The following LONP2 variants were observed in gnomAD, a reference collection of about 807,000 sequenced individuals.
The protein encoded by LONP2 is lon peptidase 2, peroxisomal.
A neutral mutation model predicts 85.6 loss-of-function variants in LONP2; 60 were observed. The observed-to-expected ratio is 0.70, with a 90% CI of 0.57 to 0.87. LONP2 has a LOEUF of 0.87. LONP2 is among the 40% of genes least tolerant of loss of function. LONP2 has a pLI of 0.00. For missense variants in LONP2, 860 were observed against 1,063.5 expected, an observed-to-expected ratio of 0.81 and a Z score of 2.66; for synonymous variants, 395 against 389.7, an observed-to-expected ratio of 1.01 and a Z score of -0.16.
In LONP2 at chr16:48,355,545, AAGAC is replaced by A. The variant is rs1357570316; in HGVS notation, c.*3745_*3748del. On this transcript the variant is annotated 3_prime_UTR_variant, in exon 15 of 15. Transcript: ENST00000285737. Reference sequence around the variant, plus strand: ...TCTGTTACGGTTAACACAAATGACTAAGACAACAGGATAATTCTGTTTAACTTTT... The same window carrying A: ...TCTGTTACGGTTAACACAAATGACTAAACAGGATAATTCTGTTTAACTTTT... 6.6e-6 allele frequency: 1 copy of A among 152,218 alleles called. No homozygotes were observed. The highest frequency in any genetic ancestry group is 1.5e-5 in the Non-Finnish European group (1 of 68,034). The allele number at this position is 152,218 out of a possible 1,614,324, so 9.4% of individuals were successfully genotyped here.
At chr16:48,289,078 C>G (rs1972507092) in intron 8 of LONP2, among the ~76,000 whole-genome samples, 1 of 151,836 alleles carries the variant, frequency 6.6e-6, no homozygotes, top group Non-Finnish European at 1.5e-5. Flanking sequence ...TGGTTCATAC[C>G]TTTGCCTATA....
intron 10 of LONP2, among the ~76,000 whole-genome samples, chr16:48,301,805 A>G (rs1044076547): frequency 9.2e-5 from 14 of 152,226 alleles, no homozygotes; most frequent in African/African-American, 3.1e-4. Flanking sequence ...CTCCTTGTAC[A>G]GCCCTTCTGA....
intron 11 of LONP2, among the ~76,000 whole-genome samples, chr16:48,307,312 A>G (rs1972931702): frequency 6.6e-6 from 1 of 152,054 alleles, no homozygotes; most frequent in East Asian, 1.9e-4. Flanking sequence ...TTTCTAGGGT[A>G]TTTGTTGGGT....
intron 11 of LONP2, among the ~76,000 whole-genome samples, chr16:48,310,829 TA>T (rs1160230052): frequency 2.0e-5 from 3 of 152,248 alleles, no homozygotes; most frequent in Admixed American, 6.5e-5. Context: ...AGAACTTCTT[TA>T]AATATTTCTC....
At position 48,309,749 on chromosome 16, in the gene LONP2, T is replaced by G. The variant is rs531559738; in HGVS notation, c.1795+6444T>G. ...TTTTTTTAAATTTATTGAGACTTGTTTTGTGGCCTGACGTTTGGTCTGTCT... is the reference window on the plus strand; with the variant it reads ...TTTTTTTAAATTTATTGAGACTTGTGTTGTGGCCTGACGTTTGGTCTGTCT... On this transcript the variant is annotated intron_variant, in intron 11 of 14. Coordinates refer to ENST00000285737, the MANE Select transcript of LONP2 (RefSeq NM_031490.5). 3.9e-5 allele frequency among the ~76,000 whole-genome samples: 6 copies of G among 152,300 alleles called. No homozygotes were observed. In the South Asian group the frequency reaches 6.2e-4, roughly 16 times the overall value.
intron 10 of LONP2, among the ~76,000 whole-genome samples, chr16:48,301,802 T>A (rs1175690817): frequency 6.6e-6 from 1 of 152,254 alleles, no homozygotes; most frequent in Non-Finnish European, 1.5e-5. Context: ...TTCCTCCTTG[T>A]ACAGCCCTTC....
At chr16:48,305,582 C>T (rs1373102783) in intron 11 of LONP2, among the ~76,000 whole-genome samples, 2 of 152,004 alleles carry the variant, frequency 1.3e-5, no homozygotes, top group Non-Finnish European at 2.9e-5. Flanking sequence ...TTTTACTCTG[C>T]CTTGGGAGAA....
chr16:48,245,333 G>C (rs536992481), intron 1 of LONP2, among the ~76,000 whole-genome samples: 10 of 152,156 alleles, frequency 6.6e-5, no homozygotes, highest in Middle Eastern at 3.4e-3. Flanking sequence ...CAGTACCCTC[G>C]CCCTATTGGT....
intron 14 of LONP2, among the ~76,000 whole-genome samples, chr16:48,350,460 T>TATCA (rs1310999390): frequency 6.6e-6 from 1 of 152,084 alleles, no homozygotes; most frequent in African/African-American, 2.4e-5. Flanking sequence ...ATGGCCTTAG[T>TATCA]ATCAATCAAG....
At chr16:48,267,380 G>A (rs1596924777) in intron 6 of LONP2, among the ~76,000 whole-genome samples, 1 of 151,714 alleles carries the variant, frequency 6.6e-6, no homozygotes, top group Admixed American at 6.6e-5. Context: ...ACTCACTGCA[G>A]CCTCCGCCTC....
intron 11 of LONP2, among the ~76,000 whole-genome samples, chr16:48,310,370 A>AGTCTT (rs1297773906): frequency 6.6e-6 from 1 of 151,072 alleles, no homozygotes; most frequent in Non-Finnish European, 1.5e-5. Context: ...TTTAAGCAAG[A>AGTCTT]GTCTTGAGTC....
chr16:48,342,571 C>T (rs1458590719), intron 12 of LONP2, among the ~76,000 whole-genome samples: 1 of 152,214 alleles, frequency 6.6e-6, no homozygotes, highest in Admixed American at 6.5e-5. Context: ...GCAGCTGGTT[C>T]TCAGCAATGC....
At chr16:48,314,041 A>G (rs1023001783) in intron 11 of LONP2, among the ~76,000 whole-genome samples, 2 of 151,990 alleles carry the variant, frequency 1.3e-5, no homozygotes, top group Admixed American at 1.3e-4. Context: ...TTTTATTTGC[A>G]TTTCTCTAAT....
intron 11 of LONP2, among the ~76,000 whole-genome samples, chr16:48,330,521 A>G (rs191192992): frequency 4.6e-5 from 7 of 152,372 alleles, no homozygotes; most frequent in Admixed American, 1.3e-4. Context: ...CATAGGACCC[A>G]GAAGGTGCAC....
intron 2 of LONP2, among the ~76,000 whole-genome samples, chr16:48,253,112 A>G (rs1474060121): frequency 6.6e-6 from 1 of 152,182 alleles, no homozygotes; most frequent in African/African-American, 2.4e-5. Context: ...AGCCAGTGGT[A>G]TTTGTATCTG....
intron 11 of LONP2, among the ~76,000 whole-genome samples, chr16:48,326,763 G>T (rs935058355): frequency 1.3e-5 from 2 of 152,120 alleles, no homozygotes; most frequent in Admixed American, 6.6e-5. Flanking sequence ...AGTTTCCTGA[G>T]TTATTACAAC....
intron 7 of LONP2, among the ~76,000 whole-genome samples, chr16:48,276,482 T>C (rs1972211606): frequency 6.6e-6 from 1 of 152,228 alleles, no homozygotes; most frequent in Non-Finnish European, 1.5e-5. Flanking sequence ...AGGGTTATAA[T>C]TAAAATTAGT....
intron 7 of LONP2, among the ~76,000 whole-genome samples, chr16:48,274,732 T>A (rs929186650): frequency 6.6e-6 from 1 of 151,960 alleles, no homozygotes; most frequent in Non-Finnish European, 1.5e-5. Context: ...GAAAAAATCC[T>A]CATGTTTTTC....
At chr16:48,303,712 A>C (rs1185950504) in intron 11 of LONP2, among the ~76,000 whole-genome samples, 1 of 152,224 alleles carries the variant, frequency 6.6e-6, no homozygotes, top group Non-Finnish European at 1.5e-5. Flanking sequence ...TCTCAAAAGT[A>C]GGGAAGCCGA....
Sources: allele counts gnomAD v4.1 joint callset (sites outside exome capture counted in the v4.1 genomes callset), GRCh38; gene constraint gnomAD v4.1.1; transcripts MANE v1.5; gene names NCBI Gene and HGNC (gene_info 2026-07-23, HGNC 2026-07-21).